The following ENTPD2 variants were observed in gnomAD, a reference collection of about 807,000 sequenced individuals.
The protein encoded by ENTPD2 is ectonucleoside triphosphate diphosphohydrolase 2.
Under a neutral mutation model 46.8 loss-of-function variants are expected in ENTPD2, and 48 were observed. That is an observed-to-expected ratio of 1.03 (90% CI 0.81 to 1.30). The LOEUF is 1.30. Ranked by LOEUF, ENTPD2 falls within the 50% of genes most tolerant of loss-of-function variation. The pLI is 0.00. For synonymous variants in ENTPD2, 316 were observed against 286.1 expected, an observed-to-expected ratio of 1.10 and a Z score of -1.06; for missense variants, 707 against 651.1, an observed-to-expected ratio of 1.09 and a Z score of -0.93.
chr9:137,052,183 A>G, intron 2 of ENTPD2, 48 bp downstream of exon 2: 1 of 1,534,368 alleles, frequency 6.5e-7, no homozygotes, highest in Non-Finnish European at 9.0e-7. Flanking sequence ...AGGGTCCCAG[A>G]GACCCTGCAG....
rs1206460125 is a variant in ENTPD2, at chr9:137,048,517, C to T, written c.*140G>A. The T allele has an allele frequency of 6.6e-6, 4 of 602,178 alleles. No homozygotes were observed. The highest frequency in any genetic ancestry group is 2.0e-5 in the South Asian group (1 of 50,472). The allele number at this position is 602,178 out of a possible 1,614,324, so 37.3% of individuals were successfully genotyped here. A position where few individuals can be genotyped will look rare whatever the true frequency, so the allele number is the denominator to read the frequency against. ...GGTGGAGGAATGCAGGATACAGGGG[C>T]GGGGAGAGAGGTTGGGAGAGGGGTG... is the stretch of plus-strand genomic sequence containing the variant. On this transcript the variant is annotated 3_prime_UTR_variant, in exon 9 of 9. Transcript: ENST00000355097.
intron 7 of ENTPD2, chr9:137,049,663 G>A (rs552424342): frequency 5.3e-6 from 3 of 565,672 alleles, no homozygotes; most frequent in East Asian, 6.7e-5. Flanking sequence ...GATGAGGGTC[G>A]GGCCTGGCGA....
At position 137,048,383 on chromosome 9, in the gene ENTPD2, A is replaced by C; in HGVS notation, c.*274T>G. ...GCCCACCCAGGCTCCTGTGGGTACC[A>C]GAGTCTCAGTTCCTATTTCCTGGGC... On this transcript the variant is annotated 3_prime_UTR_variant, in exon 9 of 9. Coordinates refer to ENST00000355097, the MANE Select transcript of ENTPD2 (RefSeq NM_203468.3). 1.0e-5 allele frequency: 4 copies of C among 395,052 alleles called. No homozygotes were observed. Among genetic ancestry groups the C allele is most frequent in the Non-Finnish European group, 1.8e-5 (4 of 218,588 alleles). The allele number at this position is 395,052 out of a possible 1,614,324, so 24.5% of individuals were successfully genotyped here.
At chr9:137,053,142 A>G (rs1832334891) in intron 1 of ENTPD2, 1 of 152,342 alleles carries the variant, frequency 6.6e-6, no homozygotes, top group Non-Finnish European at 1.5e-5. Context: ...CAGAGCATCA[A>G]CAGGTCAGCG....
chr9:137,051,776 C>T (rs77863660), intron 2 of ENTPD2, 116 bp from the exon 3 acceptor site: 1 of 1,412,070 alleles, frequency 7.1e-7, no homozygotes. Flanking sequence ...GGTGGCACAC[C>T]TTCCCTGCTT....
intron 2 of ENTPD2, 45 bp from the exon 3 acceptor site, chr9:137,051,705 C>T: frequency 6.4e-7 from 1 of 1,553,512 alleles, no homozygotes; most frequent in East Asian, 2.3e-5. Flanking sequence ...CGGGCAGCCC[C>T]TAGGTGGGCC....
chr9:137,049,812 G>A (rs1832221922), intron 7 of ENTPD2, 58 bp downstream of exon 7: 1 of 1,551,724 alleles, frequency 6.4e-7, no homozygotes, highest in South Asian at 1.2e-5. Context: ...GGGGAGGCAT[G>A]CGGAGGCGGA....
At chr9:137,052,972 G>A (rs764602673) in intron 1 of ENTPD2, 1 of 152,422 alleles carries the variant, frequency 6.6e-6, no homozygotes, top group Non-Finnish European at 1.5e-5. Context: ...CCTTCCTGCA[G>A]ACCTGAGTGG....
intron 8 of ENTPD2, 30 bp downstream of exon 8, chr9:137,048,911 T>C: frequency 6.8e-7 from 1 of 1,463,856 alleles, no homozygotes; most frequent in Non-Finnish European, 9.1e-7. Context: ...CCCCGCAAGG[T>C]CGGCCCCGCC....
rs1376642191 is a variant in ENTPD2 at position 137,048,964 on chromosome 9, C to G, written c.1261G>C (p.Gly421Arg). 2.0e-6 allele frequency: 3 copies of G among 1,533,692 alleles called. No individual in the cohort carries two copies. Among genetic ancestry groups the G allele is most frequent in the Admixed American group, 4.0e-5 (2 of 49,964 alleles). The stretch of plus-strand genomic sequence containing the variant: ...ACCTTCTTCTGGAAGATCACGCCGC[C>G]GAAGGCGCGCTCGTCGAAGCCGTAG... The part of the protein sequence containing the change: ...RGYGFDERAF[G>R]GVIFQKKAAD... The change falls in exon 8 of 9, where the codon GGC becomes CGC. Residue 421 changes from glycine (G) to arginine (R), a missense_variant. Coordinates refer to ENST00000355097, the MANE Select transcript of ENTPD2 (RefSeq NM_203468.3).
At chr9:137,049,253 G>T (rs115672624) in intron 7 of ENTPD2, 178 bp from the exon 8 acceptor site, 14 of 1,074,114 alleles carry the variant, frequency 1.3e-5, no homozygotes, top group Non-Finnish European at 1.9e-5. Context: ...GGGCACCCCC[G>T]GCAGGGCACG....
At chr9:137,053,817 C>A in intron 1 of ENTPD2, 64 bp downstream of exon 1, 3 of 1,092,966 alleles carry the variant, frequency 2.7e-6, no homozygotes, top group Non-Finnish European at 3.5e-6. Context: ...CAGCCGCACC[C>A]CCTCCCCGGC....
chr9:137,049,420 G>C, intron 7 of ENTPD2: 1 of 553,888 alleles, frequency 1.8e-6, no homozygotes, highest in Non-Finnish European at 3.3e-6. Flanking sequence ...CTCGCCGCCT[G>C]TCCCCACCTC....
rs749941005 is a variant in ENTPD2 at position 137,051,613 on chromosome 9, T to A, written c.283A>T (p.Ser95Cys). 3.1e-6 allele frequency: 5 copies of A among 1,612,686 alleles called. No homozygotes were observed. Among genetic ancestry groups the A allele is most frequent in the Admixed American group, 1.7e-5 (1 of 59,994 alleles). Reference protein sequence around the residue: ...YADNPSGASQSLVGCLEQALQ... With the variant: ...YADNPSGASQCLVGCLEQALQ... ...GCCTGTTCGAGGCATCCAACAAGAC[T>A]CTGGCTGGCCCCAGAAGGGTTGTCT... is the stretch of plus-strand genomic sequence containing the variant. Residue 95 changes from serine (S) to cysteine (C), a missense_variant, in exon 3 of 9, where the codon AGT becomes TGT. Transcript: ENST00000355097.
Position 137,049,921 on chromosome 9 carries a change from C to T in ENTPD2, c.1098G>A (p.Leu366=), listed in dbSNP as rs373079181. The stretch of plus-strand genomic sequence containing the variant: ...TCACTGCGGCTGCCTCCAGCTGCTG[C>T]AGGGTGGCCACGGGCAGCCCCATCG... ...RTSMGLPVAT[L]QQLEAAAVNV... The change falls in exon 7 of 9, where the codon CTG becomes CTA. Residue 366 remains leucine (L), a synonymous_variant. Coordinates refer to ENST00000355097, the MANE Select transcript of ENTPD2 (RefSeq NM_203468.3). 2.5e-6 allele frequency: 4 copies of T among 1,612,426 alleles called. No homozygotes were observed. Among genetic ancestry groups the T allele is most frequent in the East Asian group, 2.2e-5 (1 of 44,894 alleles).
chr9:137,052,360 G>A lies in ENTPD2; in HGVS notation c.118-12C>T. On this transcript the variant is annotated splice_polypyrimidine_tract_variant and intron_variant, in intron 1 of 8. Coordinates refer to ENST00000355097, the MANE Select transcript of ENTPD2 (RefSeq NM_203468.3). ...AGGACGATGCCATACTGCGGGGGAG[G>A]GGGAGGGAGTCAGCCTGGGGTGTCC... is the stretch of plus-strand genomic sequence containing the variant. The A allele has an allele frequency of 1.4e-6, 2 of 1,454,240 alleles. No homozygotes were observed. The highest frequency in any genetic ancestry group is 1.7e-5 in the Admixed American group (1 of 59,074). The allele number at this position is 1,454,240 out of a possible 1,614,324, so 90.1% of individuals were successfully genotyped here.
chr9:137,049,138 GA>G, intron 7 of ENTPD2, 63 bp from the exon 8 acceptor site: 1 of 1,532,852 alleles, frequency 6.5e-7, no homozygotes, highest in Non-Finnish European at 8.7e-7. Context: ...CCCACGGGGA[GA>G]GGGGGCCGGC....
chr9:137,049,185 G>A (rs777952982), intron 7 of ENTPD2, 110 bp from the exon 8 acceptor site: 2 of 1,506,148 alleles, frequency 1.3e-6, no homozygotes, highest in Non-Finnish European at 1.8e-6. Context: ...CACACGGGCC[G>A]TGCGAGGCCA....
At chr9:137,053,683 G>A (rs1832345724) in intron 1 of ENTPD2, among the ~76,000 whole-genome samples, 198 bp downstream of exon 1, 1 of 152,142 alleles carries the variant, frequency 6.6e-6, no homozygotes, top group African/African-American at 2.4e-5. Flanking sequence ...CCCTGGAAGC[G>A]CCACCGCCCC....
Sources: allele counts gnomAD v4.1 joint callset (sites outside exome capture counted in the v4.1 genomes callset), GRCh38; gene constraint gnomAD v4.1.1; transcripts MANE v1.5; gene names NCBI Gene and HGNC (gene_info 2026-07-23, HGNC 2026-07-21).